CDKAL1: variants seen among roughly 807,000 people sequenced by gnomAD.
CDKAL1 encodes CDKAL1 threonylcarbamoyladenosine tRNA methylthiotransferase, also known as threonylcarbamoyladenosine tRNA methylthiotransferase.
A neutral mutation model predicts 68.2 loss-of-function variants in CDKAL1; 32 were observed. The observed-to-expected ratio is 0.47, with a 90% confidence interval of 0.35 to 0.63. CDKAL1 has a LOEUF of 0.63. Among genes scored for constraint, CDKAL1 ranks in the 30% least tolerant of loss-of-function variants. The pLI, the probability that CDKAL1 is intolerant of heterozygous loss-of-function variation, is 0.00. For synonymous variants in CDKAL1, 234 were observed against 244.3 expected (o/e 0.96, Z 0.39); for missense variants, 606 against 696.7 (o/e 0.87, Z 1.47).
intron 5 of CDKAL1, among the ~76,000 whole-genome samples, chr6:20,719,914 A>G (rs1343879476): frequency 6.6e-6 from 1 of 152,168 alleles, no homozygotes. Context: ...AATCTTGCTC[A>G]TTTTAAAAAG....
intron 13 of CDKAL1, among the ~76,000 whole-genome samples, chr6:21,114,229 C>T (rs1001216718): frequency 8.8e-6 from 1 of 113,750 alleles, no homozygotes; most frequent in African/African-American, 3.5e-5. Context: ...GCCTGGGCAA[C>T]AGAGCAAGAC....
chr6:20,927,161 G>A (rs1467302901), intron 9 of CDKAL1, among the ~76,000 whole-genome samples: 1 of 152,128 alleles, frequency 6.6e-6, no homozygotes, highest in African/African-American at 2.4e-5. Context: ...GCTATTCATT[G>A]TGTTTAAACA....
In CDKAL1 at chr6:21,207,536, C is replaced by T. The variant is rs1431474322; in HGVS notation, c.1548+6262C>T. ...TCTCAAGCAAAAAAAAAGTACTTTG[C>T]GTTCATGGATTTCACTGTACATTAT... On this transcript the variant is annotated intron_variant, in intron 15 of 15. Transcript: ENST00000274695. Among the ~76,000 whole-genome samples the T allele has an allele frequency of 2.0e-5, 3 of 152,176 alleles. No homozygotes were observed. In the East Asian group the frequency reaches 5.8e-4, roughly 29 times the overall value.
intron 5 of CDKAL1, among the ~76,000 whole-genome samples, chr6:20,707,732 T>A (rs1299696049): frequency 6.6e-6 from 1 of 152,258 alleles, no homozygotes; most frequent in African/African-American, 2.4e-5. Context: ...ATTCTTATTT[T>A]CAAATTGCAT....
Position 20,945,796 on chromosome 6 carries a change from C to G in CDKAL1, c.743-9623C>G, listed in dbSNP as rs541459822. Among the ~76,000 whole-genome samples, 6 of 152,280 alleles carry G rather than the reference C, an allele frequency of 3.9e-5. No individual in the cohort carries two copies. The East Asian group carries it at 9.6e-4, about 24-fold the overall frequency. Reference sequence around the variant, plus strand: ...CTAAAAACCATACATTGTTACTGGTCTGGGTTCCTTTTATTTATTTCTATT... The same window carrying G: ...CTAAAAACCATACATTGTTACTGGTGTGGGTTCCTTTTATTTATTTCTATT... On this transcript the variant is annotated intron_variant, in intron 9 of 15. Transcript: ENST00000274695.
At chr6:20,584,881 T>C (rs1481904924) in intron 4 of CDKAL1, among the ~76,000 whole-genome samples, 1 of 152,146 alleles carries the variant, frequency 6.6e-6, no homozygotes, top group East Asian at 1.9e-4. Flanking sequence ...TTGCTTTTGA[T>C]AACGTGCTCT....
chr6:21,079,862 C>T (rs1772282313), intron 12 of CDKAL1, among the ~76,000 whole-genome samples: 1 of 152,028 alleles, frequency 6.6e-6, no homozygotes, highest in African/African-American at 2.4e-5. Flanking sequence ...TTATCTTTTC[C>T]CAAGCTGTTT....
intron 13 of CDKAL1, among the ~76,000 whole-genome samples, chr6:21,150,846 C>G (rs1314734210): frequency 6.6e-6 from 1 of 152,180 alleles, no homozygotes; most frequent in Non-Finnish European, 1.5e-5. Flanking sequence ...TGTCACATTA[C>G]TATGAGAGCA....
intron 10 of CDKAL1, among the ~76,000 whole-genome samples, chr6:20,985,730 G>A (rs920079446): frequency 6.6e-6 from 1 of 151,968 alleles, no homozygotes. Flanking sequence ...TTGAACCTAG[G>A]AGGTGGACTC....
At chr6:20,809,264 G>C (rs1214482705) in intron 8 of CDKAL1, among the ~76,000 whole-genome samples, 1 of 152,094 alleles carries the variant, frequency 6.6e-6, no homozygotes, top group African/African-American at 2.4e-5. Context: ...TTAACGCAGT[G>C]GGTATTTCAA....
At chr6:20,728,908 T>C (rs1772778629) in intron 5 of CDKAL1, among the ~76,000 whole-genome samples, 1 of 152,140 alleles carries the variant, frequency 6.6e-6, no homozygotes, top group African/African-American at 2.4e-5. Flanking sequence ...TGGGATGTAG[T>C]TCAGTTTTTT....
At chr6:20,686,247 C>T (rs1770614116) in intron 5 of CDKAL1, among the ~76,000 whole-genome samples, 1 of 152,180 alleles carries the variant, frequency 6.6e-6, no homozygotes, top group Admixed American at 6.5e-5. Context: ...GGGCCATGAA[C>T]TGGTACTGGT....
At chr6:20,544,590 C>A (rs1311609757) in intron 2 of CDKAL1, among the ~76,000 whole-genome samples, 2 of 98,006 alleles carry the variant, frequency 2.0e-5, no homozygotes, top group African/African-American at 1.0e-4. Context: ...AGCGAAACTC[C>A]GTCTCAAAAA....
chr6:20,742,185 T>TTTAC (rs1773488085), intron 6 of CDKAL1, among the ~76,000 whole-genome samples: 1 of 152,092 alleles, frequency 6.6e-6, no homozygotes, highest in Non-Finnish European at 1.5e-5. Context: ...AATTTGTTTA[T>TTTAC]GTTCCTTATA....
intron 13 of CDKAL1, among the ~76,000 whole-genome samples, chr6:21,186,885 G>A (rs754219409): frequency 2.0e-5 from 3 of 151,916 alleles, no homozygotes; most frequent in Non-Finnish European, 2.9e-5. Context: ...TAAAAATATG[G>A]TATCAACCAC....
intron 9 of CDKAL1, among the ~76,000 whole-genome samples, chr6:20,848,203 G>T (rs1255410085): frequency 6.6e-6 from 1 of 152,110 alleles, no homozygotes; most frequent in Non-Finnish European, 1.5e-5. Flanking sequence ...CTTTCAATTT[G>T]CCATCTGCCC....
At chr6:20,835,419 G>A (rs1777890707) in intron 8 of CDKAL1, among the ~76,000 whole-genome samples, 1 of 152,198 alleles carries the variant, frequency 6.6e-6, no homozygotes, top group Non-Finnish European at 1.5e-5. Flanking sequence ...GGTAGGTGCA[G>A]ACATGAAATC....
chr6:20,555,512 G>C (rs1266862436), intron 4 of CDKAL1, among the ~76,000 whole-genome samples: 2 of 151,642 alleles, frequency 1.3e-5, no homozygotes, highest in African/African-American at 4.8e-5. Context: ...GTGGAGACGG[G>C]GTTTCACCTT....
At chr6:21,008,461 T>C (rs1767845314) in intron 11 of CDKAL1, among the ~76,000 whole-genome samples, 1 of 152,040 alleles carries the variant, frequency 6.6e-6, no homozygotes, top group South Asian at 2.1e-4. Context: ...CAAGAGACAA[T>C]ACAGTTGTAG....
Sources: allele counts gnomAD v4.1 joint callset (sites outside exome capture counted in the v4.1 genomes callset), GRCh38; gene constraint gnomAD v4.1.1; transcripts MANE v1.5; gene names NCBI Gene and HGNC (gene_info 2026-07-23, HGNC 2026-07-21).